The following ACSL3 variants were observed in gnomAD, a reference collection of about 807,000 sequenced individuals.
ACSL3 encodes the protein acyl-CoA synthetase long chain family member 3, also known as fatty acid CoA ligase Acsl3.
In ACSL3, 34 loss-of-function variants were observed where a neutral mutation model predicts 84.7. The observed-to-expected ratio is 0.40, with a 90% CI of 0.31 to 0.53. The LOEUF (loss-of-function observed/expected upper bound fraction) is 0.53. Ranked by LOEUF, ACSL3 falls within the 20% of genes least tolerant of loss-of-function variation. ACSL3 has a pLI of 0.48. For synonymous variants in ACSL3, 315 were observed against 299.4 expected (o/e 1.05, Z -0.54); for missense variants, 680 against 873.1 (o/e 0.78, Z 2.79).
chr2:222,911,045 CTT>C (rs781161368), intron 4 of ACSL3, among the ~76,000 whole-genome samples: 13 of 123,546 alleles, frequency 1.1e-4, no homozygotes, highest in African/African-American at 3.4e-4. Flanking sequence ...CTGGCACTGC[CTT>C]TTTTTTTTTT....
chr2:222,887,652 G>A (rs1275475906), intron 1 of ACSL3, among the ~76,000 whole-genome samples, 178 bp from the exon 2 acceptor site: 1 of 152,134 alleles, frequency 6.6e-6, no homozygotes, highest in Non-Finnish European at 1.5e-5. Flanking sequence ...TTGAAGAAAA[G>A]TTACATGATA....
Position 222,881,354 on chromosome 2 carries a change from A to T in ACSL3, c.-206-6476A>T, listed in dbSNP as rs186724273. 4.6e-3 allele frequency among the ~76,000 whole-genome samples: 695 copies of T among 152,354 alleles called. 6 individuals carry two copies. Among genetic ancestry groups the T allele is most frequent in the African/African-American group, 0.016 (645 of 41,576 alleles). Reference sequence around the variant, plus strand: ...CATAGAGTTAGAGCCTTCTTGATATATAATAATTATGATCATAGTTGGCCT... The same window carrying T: ...CATAGAGTTAGAGCCTTCTTGATATTTAATAATTATGATCATAGTTGGCCT... On this transcript the variant is annotated intron_variant, in intron 1 of 16. Transcript: ENST00000357430.
chr2:222,942,826 A>C lies in ACSL3; in HGVS notation c.*1172A>C, dbSNP rs1697350349. The C allele has an allele frequency of 4.5e-6, 1 of 220,334 alleles. No individual in the cohort carries two copies. Among genetic ancestry groups the C allele is most frequent in the African/African-American group, 2.2e-5 (1 of 44,670 alleles). 13.6% of individuals were successfully genotyped at this position (220,334 alleles called of 1,614,324 possible). A position where few individuals can be genotyped will look rare whatever the true frequency, so the allele number is the denominator to read the frequency against. ...AAGACACATGAGAATTTAACTTTATAACCGCGTGAGTTAAGATTTAATTCA... is the reference window on the plus strand; with the variant it reads ...AAGACACATGAGAATTTAACTTTATCACCGCGTGAGTTAAGATTTAATTCA... On this transcript the variant is annotated 3_prime_UTR_variant, in exon 17 of 17. Coordinates refer to ENST00000357430, the MANE Select transcript of ACSL3 (RefSeq NM_004457.5).
intron 1 of ACSL3, among the ~76,000 whole-genome samples, chr2:222,869,532 C>T (rs1234995219): frequency 6.6e-6 from 1 of 152,124 alleles, no homozygotes; most frequent in African/African-American, 2.4e-5. Context: ...TTAAAGGGGA[C>T]TAGGAAATGT....
At chr2:222,920,942 G>A in intron 7 of ACSL3, 1 of 483,768 alleles carries the variant, frequency 2.1e-6, no homozygotes, top group South Asian at 1.6e-5. Context: ...GGTTTCCATG[G>A]CTCCCTTCCT....
intron 16 of ACSL3, 121 bp from the exon 17 acceptor site, chr2:222,941,376 G>T: frequency 1.4e-6 from 1 of 698,120 alleles, no homozygotes; most frequent in South Asian, 2.2e-5. Flanking sequence ...CTTTAGAAGT[G>T]ACATTCATGG....
At chr2:222,888,295 G>A (rs1434445534) in intron 2 of ACSL3, among the ~76,000 whole-genome samples, 3 of 152,140 alleles carry the variant, frequency 2.0e-5, no homozygotes, top group African/African-American at 7.2e-5. Context: ...ACCCATAGAA[G>A]GTTCTGCATG....
intron 1 of ACSL3, among the ~76,000 whole-genome samples, chr2:222,862,974 T>A (rs910607970): frequency 6.6e-6 from 1 of 152,236 alleles, no homozygotes; most frequent in Admixed American, 6.5e-5. Flanking sequence ...GAATCAGATC[T>A]TAAAGCCTCG....
intron 4 of ACSL3, among the ~76,000 whole-genome samples, chr2:222,916,087 C>CA (rs911115797): frequency 1.4e-4 from 22 of 151,830 alleles, no homozygotes; most frequent in Admixed American, 1.3e-3. Context: ...AAAATAAAGC[C>CA]AAAAAACCCC....
chr2:222,934,408 AAGTATGGC>A (rs1559304196), intron 15 of ACSL3, 114 bp from the exon 16 acceptor site: 1 of 731,228 alleles, frequency 1.4e-6, no homozygotes, highest in East Asian at 3.3e-5. Context: ...TGCCAGTGCC[AAGTATGGC>A]ACATGCATTT....
At chr2:222,897,584 T>C (rs1488855495) in intron 2 of ACSL3, among the ~76,000 whole-genome samples, 1 of 26,278 alleles carries the variant, frequency 3.8e-5, no homozygotes, top group Non-Finnish European at 5.7e-5. Flanking sequence ...GGCTGGGAGG[T>C]GGTTGTAGCG....
At chr2:222,901,817 C>T (rs1188161442) in intron 3 of ACSL3, among the ~76,000 whole-genome samples, 6 of 151,782 alleles carry the variant, frequency 4.0e-5, no homozygotes, top group Non-Finnish European at 7.4e-5. Flanking sequence ...TGATTGAGCA[C>T]GCCTGTAGTC....
intron 7 of ACSL3, chr2:222,921,010 C>T (rs1335858748): frequency 1.8e-6 from 1 of 558,242 alleles, no homozygotes; most frequent in Admixed American, 2.2e-5. Flanking sequence ...CAGGCTTTTC[C>T]ATCCAAATAG....
At chr2:222,936,170 G>A (rs911306766) in intron 16 of ACSL3, among the ~76,000 whole-genome samples, 3 of 152,038 alleles carry the variant, frequency 2.0e-5, no homozygotes, top group African/African-American at 2.4e-5. Context: ...GGACATTTGG[G>A]TTGTTTCTAC....
At chr2:222,898,995 C>T (rs184896762) in intron 2 of ACSL3, among the ~76,000 whole-genome samples, 1 of 152,144 alleles carries the variant, frequency 6.6e-6, no homozygotes, top group East Asian at 1.9e-4. Flanking sequence ...ATGAAGAGGA[C>T]ATTTTGTCTA....
chr2:222,873,640 A>C (rs1276773076), intron 1 of ACSL3, among the ~76,000 whole-genome samples: 1 of 152,202 alleles, frequency 6.6e-6, no homozygotes, highest in Admixed American at 6.5e-5. Context: ...CAAAAGTGGA[A>C]ATATATTGTG....
At position 222,869,021 on chromosome 2, in the gene ACSL3, G is replaced by A. The variant is rs1318333542; in HGVS notation, c.-207+7763G>A. On this transcript the variant is annotated intron_variant, in intron 1 of 16. Transcript: ENST00000357430. ...TCGTGTTTCAATTTTTTTGAAATAC[G>A]TATAAAGCACTTTGAAAGTGAGTTG... Among the ~76,000 whole-genome samples the A allele has an allele frequency of 2.0e-5, 3 of 151,714 alleles. No homozygotes were observed. The East Asian group carries it at 5.8e-4, about 29-fold the overall frequency.
intron 1 of ACSL3, among the ~76,000 whole-genome samples, chr2:222,868,749 C>A (rs993932560): frequency 6.6e-6 from 1 of 152,040 alleles, no homozygotes; most frequent in Non-Finnish European, 1.5e-5. Context: ...GAGTTTGAGT[C>A]CAGCCTGGCC....
At chr2:222,901,964 A>AAAAAAAAAAAAAAAGG (rs57522671) in intron 3 of ACSL3, among the ~76,000 whole-genome samples, 1 of 99,456 alleles carries the variant, frequency 1.0e-5, no homozygotes, top group African/African-American at 4.1e-5. Flanking sequence ...AAAAAAAAAA[A>AAAAAAAAAAAAAAAGG]GAACTCAAAT....
Sources: gnomAD v4.1 joint callset for allele counts (sites outside exome capture counted in the v4.1 genomes callset) on GRCh38, gnomAD v4.1.1 for gene constraint, MANE v1.5 for transcripts, NCBI Gene and HGNC (gene_info 2026-07-23, HGNC 2026-07-21) for gene names.